SLC25A36: variants seen among roughly 807,000 people sequenced by gnomAD.
The protein encoded by SLC25A36 is epididymis secretory sperm binding protein.
In SLC25A36, 24 loss-of-function variants were observed where a neutral mutation model predicts 35.3. The ratio of observed to expected loss-of-function variants is 0.68; its 90% CI spans 0.49 to 0.96. The LOEUF is 0.96. Ranked by LOEUF, SLC25A36 falls within the 40% of genes least tolerant of loss-of-function variation. The pLI is 0.00. For missense variants in SLC25A36, 294 were observed against 381.1 expected (o/e 0.77, Z 1.90); for synonymous variants, 141 against 132.2 (o/e 1.07, Z -0.46).
At chr3:140,974,517 C>T (rs1287944653) in intron 6 of SLC25A36, among the ~76,000 whole-genome samples, 1 of 152,064 alleles carries the variant, frequency 6.6e-6, no homozygotes, top group Non-Finnish European at 1.5e-5. Flanking sequence ...TCCCAAAGAC[C>T]AAGCTATTTT....
chr3:140,975,096 TC>T (rs1333944366), intron 6 of SLC25A36, among the ~76,000 whole-genome samples: 4 of 112,052 alleles, frequency 3.6e-5, no homozygotes, highest in Non-Finnish European at 6.9e-5. Context: ...CAAGATACAT[TC>T]TTTTTTTTTT....
intron 1 of SLC25A36, 72 bp from the exon 2 acceptor site, chr3:140,956,455 A>T: frequency 2.2e-6 from 3 of 1,355,916 alleles, no homozygotes; most frequent in Non-Finnish European, 2.9e-6. Context: ...CATGTGGATT[A>T]CAGCTCTGGG....
chr3:140,951,827 T>G (rs540301261), intron 1 of SLC25A36, among the ~76,000 whole-genome samples: 1 of 151,818 alleles, frequency 6.6e-6, no homozygotes, highest in Admixed American at 6.6e-5. Context: ...TTTTGTTTTG[T>G]TGTTGTTGTT....
rs186220244 is a variant in SLC25A36, at chr3:140,949,583, T to C, written c.42-6944T>C. On this transcript the variant is annotated intron_variant, in intron 1 of 6. Transcript: ENST00000324194. ...TTTAAATGAGTGTCAATCTAGGTGG[T>C]TTCACTACGAACATAAAGAACATGT... 3.7e-4 allele frequency among the ~76,000 whole-genome samples: 56 copies of C among 152,280 alleles called. No homozygotes were observed. The East Asian group carries it at 9.6e-3, about 26-fold the overall frequency.
At chr3:140,942,180 G>A (rs1468692919) in intron 1 of SLC25A36, 85 bp downstream of exon 1, 2 of 124,884 alleles carry the variant, frequency 1.6e-5, no homozygotes, top group African/African-American at 3.5e-5. Flanking sequence ...GGGCCGAGGG[G>A]GGTGGGGGGG....
intron 1 of SLC25A36, among the ~76,000 whole-genome samples, chr3:140,945,560 C>G (rs72991036): frequency 0.031 from 4,722 of 152,168 alleles, 233 homozygotes; most frequent in African/African-American, 0.11. Context: ...TCTTGAGACC[C>G]TTGTTGTGGT....
chr3:140,975,274 AT>A (rs1025941450), intron 6 of SLC25A36, among the ~76,000 whole-genome samples: 3 of 151,260 alleles, frequency 2.0e-5, no homozygotes, highest in Admixed American at 2.0e-4. Flanking sequence ...TGCCCAGCTA[AT>A]TTTTTAATTT....
At chr3:140,968,595 TG>T in intron 4 of SLC25A36, 1 of 932,708 alleles carries the variant, frequency 1.1e-6, no homozygotes, top group Non-Finnish European at 1.3e-6. Context: ...TTATAATTTA[TG>T]GGTCTTTAAA....
intron 5 of SLC25A36, among the ~76,000 whole-genome samples, chr3:140,972,299 G>A (rs1934925081): frequency 6.6e-6 from 1 of 152,068 alleles, no homozygotes; most frequent in East Asian, 1.9e-4. Context: ...ACAATTCTTA[G>A]GCTTGTGGGG....
At chr3:140,963,644 T>C (rs1407489564) in intron 4 of SLC25A36, 1 of 156,902 alleles carries the variant, frequency 6.4e-6, no homozygotes, top group Non-Finnish European at 1.4e-5. Flanking sequence ...CTTGGTAAAG[T>C]ATTCATTTTG....
intron 6 of SLC25A36, among the ~76,000 whole-genome samples, chr3:140,975,597 C>T (rs948824956): frequency 2.3e-4 from 35 of 152,106 alleles, no homozygotes; most frequent in African/African-American, 8.0e-4. Flanking sequence ...AGTTCTTGTC[C>T]CAGCTTCTAC....
chr3:140,965,901 T>G (rs1934745648), intron 4 of SLC25A36: 1 of 151,870 alleles, frequency 6.6e-6, no homozygotes, highest in South Asian at 2.1e-4. Flanking sequence ...TAGGCACAGA[T>G]GTATGCAAAA....
At chr3:140,949,462 C>T (rs563797363) in intron 1 of SLC25A36, among the ~76,000 whole-genome samples, 2 of 152,272 alleles carry the variant, frequency 1.3e-5, no homozygotes, top group South Asian at 4.1e-4. Flanking sequence ...TTTAAATATT[C>T]TATAAGATCA....
At chr3:140,953,018 C>G (rs1344880611) in intron 1 of SLC25A36, among the ~76,000 whole-genome samples, 1 of 152,074 alleles carries the variant, frequency 6.6e-6, no homozygotes, top group Non-Finnish European at 1.5e-5. Context: ...CAGGCAAAGA[C>G]AAATTGAATT....
intron 1 of SLC25A36, among the ~76,000 whole-genome samples, chr3:140,948,358 A>C (rs909031729): frequency 2.0e-5 from 3 of 150,762 alleles, no homozygotes; most frequent in African/African-American, 7.4e-5. Flanking sequence ...CTTTTTTACA[A>C]TTTTTAGTAG....
chr3:140,950,237 C>A (rs1173617646), intron 1 of SLC25A36, among the ~76,000 whole-genome samples: 1 of 152,086 alleles, frequency 6.6e-6, no homozygotes, highest in African/African-American at 2.4e-5. Context: ...TGAATAACTT[C>A]ATTCCTCCCC....
At chr3:140,972,866 CA>C (rs1183566608) in intron 5 of SLC25A36, 1 of 151,996 alleles carries the variant, frequency 6.6e-6, no homozygotes, top group Admixed American at 6.6e-5. Flanking sequence ...ATGTCAGAAA[CA>C]AGTTAGGTAT....
chr3:140,951,907 C>T (rs945123881), intron 1 of SLC25A36, among the ~76,000 whole-genome samples: 2 of 152,082 alleles, frequency 1.3e-5, no homozygotes, highest in Admixed American at 6.6e-5. Context: ...AATCACAGCT[C>T]ACTAAAGCCT....
intron 6 of SLC25A36, 73 bp from the exon 7 acceptor site, chr3:140,976,187 G>C (rs1301899424): frequency 2.0e-6 from 2 of 981,846 alleles, no homozygotes; most frequent in Admixed American, 5.1e-5. Context: ...ACTGATAAAT[G>C]GGATGTGCTC....
Sources: gnomAD v4.1 joint callset for allele counts (sites outside exome capture counted in the v4.1 genomes callset) on GRCh38, gnomAD v4.1.1 for gene constraint, MANE v1.5 for transcripts, NCBI Gene and HGNC (gene_info 2026-07-23, HGNC 2026-07-21) for gene names.